The following LAMP3 variants were observed in gnomAD, a reference collection of about 807,000 sequenced individuals.
LAMP3 encodes lysosome associated membrane protein 3, also known as lysosome-associated membrane glycoprotein 3.
Under a neutral mutation model 34.8 loss-of-function variants are expected in LAMP3, and 26 were observed. The observed-to-expected ratio is 0.75, with a 90% CI of 0.55 to 1.04. The LOEUF (loss-of-function observed/expected upper bound fraction) is 1.04, where lower values mean the gene tolerates loss of function less well. LAMP3 is among the 50% of genes least tolerant of loss of function. The pLI, the probability that LAMP3 is intolerant of heterozygous loss-of-function variation, is 0.00. For missense variants in LAMP3, 495 were observed against 524.0 expected, an observed-to-expected ratio of 0.94 and a Z score of 0.54; for synonymous variants, 180 against 201.9, an observed-to-expected ratio of 0.89 and a Z score of 0.92.
At chr3:183,139,208 G>A (rs1404402588) in intron 4 of LAMP3, among the ~76,000 whole-genome samples, 1 of 152,000 alleles carries the variant, frequency 6.6e-6, no homozygotes, top group Admixed American at 6.6e-5. Flanking sequence ...TGACCAACGT[G>A]GAGAAACCCC....
intron 3 of LAMP3, among the ~76,000 whole-genome samples, chr3:183,150,081 G>A (rs605105): frequency 0.77 from 117,254 of 152,014 alleles, 45,669 homozygotes; most frequent in Non-Finnish European, 0.83. Context: ...TGCAACACTC[G>A]GGGCCATGGG....
intron 3 of LAMP3, among the ~76,000 whole-genome samples, chr3:183,151,468 C>T (rs1720631230): frequency 7.2e-6 from 1 of 139,242 alleles, no homozygotes; most frequent in Non-Finnish European, 1.5e-5. Flanking sequence ...GTTCCTGTTG[C>T]CCAGGCTGGA....
At chr3:183,136,358 G>T (rs898349100) in intron 4 of LAMP3, among the ~76,000 whole-genome samples, 3 of 152,132 alleles carry the variant, frequency 2.0e-5, no homozygotes, top group Non-Finnish European at 2.9e-5. Flanking sequence ...GCAGGGTCAA[G>T]AACTCATTAG....
At chr3:183,136,747 C>A (rs955023576) in intron 4 of LAMP3, among the ~76,000 whole-genome samples, 2 of 151,548 alleles carry the variant, frequency 1.3e-5, no homozygotes, top group Non-Finnish European at 2.9e-5. Context: ...CCCTTCTGAT[C>A]GCCACCTGGG....
At chr3:183,135,484 T>C (rs1720053380) in intron 5 of LAMP3, among the ~76,000 whole-genome samples, 1 of 152,176 alleles carries the variant, frequency 6.6e-6, no homozygotes, top group Non-Finnish European at 1.5e-5. Context: ...AGTAAGAATG[T>C]GCGTGAGTCG....
At chr3:183,125,176 T>C (rs1424632866) in intron 5 of LAMP3, among the ~76,000 whole-genome samples, 1 of 152,172 alleles carries the variant, frequency 6.6e-6, no homozygotes, top group African/African-American at 2.4e-5. Context: ...AATACTCTAA[T>C]GAAGAGACTG....
At chr3:183,130,189 C>T (rs994596288) in intron 5 of LAMP3, among the ~76,000 whole-genome samples, 7 of 103,246 alleles carry the variant, frequency 6.8e-5, no homozygotes, top group South Asian at 3.2e-4. Context: ...GACGGAGTTT[C>T]GCTCTGTCAC....
chr3:183,156,839 C>G (rs147003057), intron 1 of LAMP3, among the ~76,000 whole-genome samples: 1 of 152,036 alleles, frequency 6.6e-6, no homozygotes, highest in Non-Finnish European at 1.5e-5. Flanking sequence ...AAAGTTGGGG[C>G]GGAGACTTGA....
intron 5 of LAMP3, chr3:183,132,728 C>T (rs977844165): frequency 5.7e-5 from 56 of 985,302 alleles, no homozygotes; most frequent in African/African-American, 4.2e-4. Flanking sequence ...CAACAGGCAA[C>T]GAGACAGGTC....
At position 183,153,007 on chromosome 3, in the gene LAMP3, T is replaced by C. The variant is rs201781764; in HGVS notation, c.760-504A>G. 2.7e-4 allele frequency among the ~76,000 whole-genome samples: 41 copies of C among 151,960 alleles called. 1 individual carries two copies. In the East Asian group the frequency reaches 7.6e-3, roughly 28 times the overall value. ...CTGGCCAACTTAGTGAAACCCCGTC[T>C]CTACTAAAAATACAAAAATTAGCCG... On this transcript the variant is annotated intron_variant, in intron 2 of 5. Coordinates refer to ENST00000265598, the MANE Select transcript of LAMP3 (RefSeq NM_014398.4).
At chr3:183,161,905 G>C in intron 1 of LAMP3, 2 of 950,170 alleles carry the variant, frequency 2.1e-6, no homozygotes, top group Non-Finnish European at 2.5e-6. Flanking sequence ...AGGGCAGCTG[G>C]CACGACCCTT....
intron 4 of LAMP3, among the ~76,000 whole-genome samples, chr3:183,138,121 A>C (rs1467663720): frequency 6.6e-6 from 1 of 151,272 alleles, no homozygotes; most frequent in Non-Finnish European, 1.5e-5. Context: ...CTGCACCCGG[A>C]CTCCCCTACC....
chr3:183,139,055 G>A (rs937464683), intron 4 of LAMP3, among the ~76,000 whole-genome samples: 10 of 152,014 alleles, frequency 6.6e-5, no homozygotes, highest in South Asian at 4.2e-4. Context: ...AATAGCTTTC[G>A]ATTCCTCTCC....
intron 3 of LAMP3, 22 bp downstream of exon 3, chr3:183,152,353 T>TG (rs1560313971): frequency 1.9e-6 from 3 of 1,591,284 alleles, no homozygotes; most frequent in Non-Finnish European, 2.6e-6. Flanking sequence ...ATGCAGTTTG[T>TG]GCAAAGGAGC....
chr3:183,152,359 G>A lies in LAMP3; in HGVS notation c.888+16C>T. 1 of 1,594,200 alleles carries A rather than the reference G, an allele frequency of 6.3e-7. No homozygotes were observed. The highest frequency in any genetic ancestry group is 8.5e-7 in the Non-Finnish European group (1 of 1,171,658). On this transcript the variant is annotated intron_variant, in intron 3 of 5. Transcript: ENST00000265598. Reference sequence around the variant, plus strand: ...CTGTACCAGATGCAGTTTGTGCAAAGGAGCTCAGGCCTCACCTTGGTAAAT... The same window carrying A: ...CTGTACCAGATGCAGTTTGTGCAAAAGAGCTCAGGCCTCACCTTGGTAAAT...
rs1035571462 is a variant in LAMP3, at chr3:183,123,241, A to C, written c.*840T>G. The stretch of plus-strand genomic sequence containing the variant: ...TAAAAACACTTAGACAACCTGAGAT[A>C]TGTTGTTCTTTTTGATGATTAAAAA... On this transcript the variant is annotated 3_prime_UTR_variant, in exon 6 of 6. Coordinates refer to ENST00000265598, the MANE Select transcript of LAMP3 (RefSeq NM_014398.4). 4 of 152,122 alleles carry C rather than the reference A, an allele frequency of 2.6e-5. No individual in the cohort carries two copies. The highest frequency in any genetic ancestry group is 2.6e-4 in the Admixed American group (4 of 15,266). 9.4% of individuals were successfully genotyped at this position (152,122 alleles called of 1,614,324 possible). A position where few individuals can be genotyped will look rare whatever the true frequency, so the allele number is the denominator to read the frequency against.
intron 3 of LAMP3, among the ~76,000 whole-genome samples, chr3:183,142,098 T>C (rs564854802): frequency 1.4e-4 from 22 of 152,210 alleles, no homozygotes; most frequent in Non-Finnish European, 3.2e-4. Context: ...GAAACATCTC[T>C]TTTAAAAAGA....
intron 5 of LAMP3, among the ~76,000 whole-genome samples, chr3:183,128,587 G>A (rs1479450903): frequency 6.6e-6 from 1 of 152,136 alleles, no homozygotes; most frequent in South Asian, 2.1e-4. Flanking sequence ...ATGTGAAGGT[G>A]TGTTTGTGTT....
rs765002386 is a variant in LAMP3 at position 183,123,849 on chromosome 3, G to A, written c.*232C>T. The A allele has an allele frequency of 2.1e-6, 1 of 479,398 alleles. No homozygotes were observed. The highest frequency in any genetic ancestry group is 3.7e-6 in the Non-Finnish European group (1 of 270,652). The allele number at this position is 479,398 out of a possible 1,614,324, so 29.7% of individuals were successfully genotyped here. A position where few individuals can be genotyped will look rare whatever the true frequency, so the allele number is the denominator to read the frequency against. On this transcript the variant is annotated 3_prime_UTR_variant, in exon 6 of 6. Coordinates refer to ENST00000265598, the MANE Select transcript of LAMP3 (RefSeq NM_014398.4). ...CTTTGAGTGGCTAAAATATTCTAAA[G>A]GAAACTAGAAAATAAACAGCTCACT... is the stretch of plus-strand genomic sequence containing the variant.
Sources: gnomAD v4.1 joint callset for allele counts (sites outside exome capture counted in the v4.1 genomes callset) on GRCh38, gnomAD v4.1.1 for gene constraint, MANE v1.5 for transcripts, NCBI Gene and HGNC (gene_info 2026-07-23, HGNC 2026-07-21) for gene names.